The following CTBP1 variants were observed in gnomAD, a reference collection of about 807,000 sequenced individuals.
CTBP1 encodes C-terminal binding protein 1.
Under a neutral mutation model 42.1 loss-of-function variants are expected in CTBP1, and 11 were observed. The ratio of observed to expected loss-of-function variants is 0.26; its 90% confidence interval spans 0.16 to 0.43. The LOEUF is 0.43. CTBP1 is among the 20% of genes least tolerant of loss of function. CTBP1 has a pLI of 1.00. For synonymous variants in CTBP1, 324 were observed against 277.1 expected (o/e 1.17, Z -1.68); for missense variants, 399 against 624.3 (o/e 0.64, Z 3.85).
chr4:1,228,419 C>G, intron 3 of CTBP1, 76 bp from the exon 4 acceptor site: 2 of 1,539,096 alleles, frequency 1.3e-6, no homozygotes, highest in East Asian at 4.6e-5. Context: ...TGGGGCTGCC[C>G]CGGCTGGGAA....
chr4:1,221,269 G>T (rs1206933209), intron 5 of CTBP1, among the ~76,000 whole-genome samples: 2 of 152,208 alleles, frequency 1.3e-5, no homozygotes, highest in African/African-American at 4.8e-5. Context: ...CCTGCTGGAA[G>T]GGCTAGAATT....
At chr4:1,247,924 C>A (rs1312123775) in intron 1 of CTBP1, among the ~76,000 whole-genome samples, 1 of 152,246 alleles carries the variant, frequency 6.6e-6, no homozygotes, top group East Asian at 1.9e-4. Flanking sequence ...GAAGGGAATT[C>A]TGTCCCGGCA....
rs200023219 is a variant in CTBP1 at position 1,213,471 on chromosome 4, C to T, written c.988+7G>A. 1.5e-4 allele frequency: 237 copies of T among 1,609,508 alleles called. 1 individual carries two copies. Among genetic ancestry groups the T allele is most frequent in the Middle Eastern group, 6.7e-4 (4 of 5,926 alleles). On this transcript the variant is annotated splice_region_variant and intron_variant, in intron 8 of 9. Coordinates refer to ENST00000382952, the MANE Select transcript of CTBP1 (RefSeq NM_001012614.2). Reference sequence around the variant, plus strand: ...CCCAGGCCTGACCGAGCGGCCCCCACGCCCACCTGTGATGGCTCTGCGGAT... The same window carrying T: ...CCCAGGCCTGACCGAGCGGCCCCCATGCCCACCTGTGATGGCTCTGCGGAT...
intron 4 of CTBP1, 73 bp downstream of exon 4, chr4:1,228,126 G>A (rs1730578954): frequency 1.1e-5 from 17 of 1,570,184 alleles, no homozygotes; most frequent in Non-Finnish European, 1.5e-5. Flanking sequence ...TGGCAGTGAA[G>A]CCTCCATGGA....
chr4:1,247,403 C>T (rs1419695407), intron 1 of CTBP1, among the ~76,000 whole-genome samples: 1 of 152,038 alleles, frequency 6.6e-6, no homozygotes, highest in Admixed American at 6.5e-5. Context: ...GCGGAGCCGA[C>T]AGCCCCAACC....
At chr4:1,222,318 G>A (rs181747983) in intron 5 of CTBP1, among the ~76,000 whole-genome samples, 47 of 152,210 alleles carry the variant, frequency 3.1e-4, no homozygotes, top group Admixed American at 2.9e-3. Flanking sequence ...CAGGGGGCTC[G>A]TGTCCCTAAG....
At chr4:1,249,721 G>T, upstream of CTBP1, 1 of 398,492 alleles carries the variant, frequency 2.5e-6, no homozygotes, top group Non-Finnish European at 5.1e-6. Flanking sequence ...CCAGGCGGGG[G>T]AGCCCCGACT....
At chr4:1,241,184 G>A (rs538850284) in intron 2 of CTBP1, 141 bp downstream of exon 2, 39 of 751,594 alleles carry the variant, frequency 5.2e-5, no homozygotes, top group South Asian at 1.1e-4. Context: ...AGAGCACACC[G>A]GGGGTCAGGT....
chr4:1,228,302 G>A lies in CTBP1; in HGVS notation c.204C>T (p.Ile68=). 6.2e-7 allele frequency: 1 copy of A among 1,614,160 alleles called. No homozygotes were observed. The highest frequency in any genetic ancestry group is 1.1e-5 in the South Asian group (1 of 91,084). ...EAVGALMYHT[I]TLTREDLEKF... ...TCTCCAGGTCCTCCCTGGTGAGAGT[G>A]ATGGTGTGGTACATCAGGGCCCCCA... Residue 68 remains isoleucine, a synonymous_variant, in exon 4 of 10, where the codon ATC becomes ATT. Coordinates refer to ENST00000382952, the MANE Select transcript of CTBP1 (RefSeq NM_001012614.2).
intron 5 of CTBP1, chr4:1,223,519 G>A: frequency 2.2e-6 from 1 of 455,894 alleles, no homozygotes; most frequent in South Asian, 1.5e-5. Flanking sequence ...CTGCCTGGAT[G>A]TTTGGGAAGC....
rs200109351 is a variant in CTBP1, at chr4:1,224,699, TG to T, written c.514+660del. Among the ~76,000 whole-genome samples the T allele has an allele frequency of 5.6e-3, 838 of 150,338 alleles. 7 individuals carry two copies. Among genetic ancestry groups the T allele is most frequent in the African/African-American group, 0.019 (785 of 40,804 alleles). Reference sequence around the variant, plus strand: ...TCCGTGCAGGCCAGTGTGAGACCCATGGGTGTGTTGTGATATCTGTGTGAGG... The same window carrying T: ...TCCGTGCAGGCCAGTGTGAGACCCATGGTGTGTTGTGATATCTGTGTGAGG... On this transcript the variant is annotated intron_variant, in intron 5 of 9. Coordinates refer to ENST00000382952, the MANE Select transcript of CTBP1 (RefSeq NM_001012614.2).
In CTBP1 at chr4:1,228,213, G is replaced by A. The variant is rs1366246481; in HGVS notation, c.293C>T (p.Ser98Leu). 5 of 1,614,148 alleles carry A rather than the reference G, an allele frequency of 3.1e-6. No homozygotes were observed. The highest frequency in any genetic ancestry group is 2.7e-5 in the African/African-American group (2 of 75,048). The change falls in exon 4 of 10, where the codon TCG (serine) becomes TTG (leucine). Residue 98 changes from serine (S) to leucine (L), a missense_variant. Physicochemically the swap from Ser to Leu is moderately radical, Grantham distance 145. Transcript: ENST00000382952. ...AGCCGGCCTACCTAAATCCCCGGCC[G>A]ACTTGATGTCGATGTTGTCAAAACC... ...GSGFDNIDIK[S>L]AGDLGIAVCN...
At chr4:1,242,284 C>A in intron 1 of CTBP1, 1 of 985,380 alleles carries the variant, frequency 1.0e-6, no homozygotes, top group Non-Finnish European at 1.2e-6. Context: ...ACTGAGCTGC[C>A]CACACCTGGC....
rs3733340 is a variant in CTBP1, at chr4:1,235,900, C to T, written c.162+2283G>A. The T allele has an allele frequency of 0.062, 9,362 of 152,150 alleles. 487 individuals carry two copies. Among genetic ancestry groups the T allele is most frequent in the East Asian group, 0.21 (1,064 of 5,148 alleles). The allele number at this position is 152,150 out of a possible 1,614,324, so 9.4% of individuals were successfully genotyped here. A position where few individuals can be genotyped will look rare whatever the true frequency, so the allele number is the denominator to read the frequency against. ...TGCCAGGCACCTGGGGCCGGCAGTG[C>T]GGGGTCCCCAAAAATCCAGATTCAA... On this transcript the variant is annotated intron_variant, in intron 3 of 9. Coordinates refer to ENST00000382952, the MANE Select transcript of CTBP1 (RefSeq NM_001012614.2). The surrounding 1 kb of genome is among the most constrained non-coding windows in gnomAD (Gnocchi z 4.2).
In CTBP1 at chr4:1,214,491, A is replaced by G; in HGVS notation, c.730-18T>C. 6.4e-7 allele frequency: 1 copy of G among 1,558,588 alleles called. No individual in the cohort carries two copies. The highest frequency in any genetic ancestry group is 8.6e-7 in the Non-Finnish European group (1 of 1,159,398). ...TGTCTCATCTAGAAGACATAAGGAC[A>G]GGCCAGGCCCAGTCAGGGATCCGCA... On this transcript the variant is annotated intron_variant, in intron 6 of 9. Transcript: ENST00000382952.
At chr4:1,215,775 G>A (rs1221957714) in intron 6 of CTBP1, 1 of 597,846 alleles carries the variant, frequency 1.7e-6, no homozygotes, top group Non-Finnish European at 3.0e-6. Context: ...GTCTTGTCCA[G>A]AGAGTATTTT....
rs1354987669 is a variant in CTBP1, at chr4:1,241,480, C to T, written c.-149G>A. ...AGCCAAAGTGCTCAGGCTTCTGATCCGCGGCAATCACTGAAGCCTGCGTCG... is the reference window on the plus strand; with the variant it reads ...AGCCAAAGTGCTCAGGCTTCTGATCTGCGGCAATCACTGAAGCCTGCGTCG... On this transcript the variant is annotated 5_prime_UTR_variant, in exon 2 of 10. Transcript: ENST00000382952. The T allele has an allele frequency of 2.5e-6, 4 of 1,604,198 alleles. No homozygotes were observed. The highest frequency in any genetic ancestry group is 1.7e-5 in the Admixed American group (1 of 59,956).
rs896514146 is a variant in CTBP1, at chr4:1,233,795, G to A, written c.162+4388C>T. ...CCCTCCACGGCACTCAGACGGCGGC[G>A]ACCTCCAACCAGCTATGCGGGAAGT... On this transcript the variant is annotated intron_variant, in intron 3 of 9. Transcript: ENST00000382952. This position sits in a 1 kb window ranked among gnomAD's most constrained non-coding sequence, Gnocchi z 4.6. Among the ~76,000 whole-genome samples the A allele has an allele frequency of 2.0e-5, 3 of 152,186 alleles. No homozygotes were observed. Among genetic ancestry groups the A allele is most frequent in the African/African-American group, 4.8e-5 (2 of 41,440 alleles).
intron 5 of CTBP1, among the ~76,000 whole-genome samples, chr4:1,219,636 G>T (rs1352372405): frequency 6.6e-6 from 1 of 152,252 alleles, no homozygotes; most frequent in Non-Finnish European, 1.5e-5. Flanking sequence ...ACAGAGATCA[G>T]AAAGGAAAAT....
Sources: gnomAD v4.1 joint callset for allele counts (sites outside exome capture counted in the v4.1 genomes callset) on GRCh38, gnomAD v4.1.1 for gene constraint, Gnocchi (gnomAD v3.1) non-coding constraint, MANE v1.5 for transcripts, NCBI Gene and HGNC (gene_info 2026-07-23, HGNC 2026-07-21) for gene names.